The following PHRF1 variants were observed in gnomAD, a reference collection of about 807,000 sequenced individuals.
PHRF1 encodes the protein PHD and ring finger domains 1, also known as PHD and RING finger domain-containing protein 1.
Under a neutral mutation model 128.9 loss-of-function variants are expected in PHRF1, and 53 were observed. The ratio of observed to expected loss-of-function variants is 0.41; its 90% CI spans 0.33 to 0.52. PHRF1 has a LOEUF of 0.52. Ranked by LOEUF, PHRF1 falls within the 20% of genes least tolerant of loss-of-function variation. The pLI is 0.21. For missense variants in PHRF1, 2,503 were observed against 2,284.5 expected (o/e 1.10, Z -1.95); for synonymous variants, 1,178 against 980.6 (o/e 1.20, Z -3.76).
intron 1 of PHRF1, among the ~76,000 whole-genome samples, chr11:578,609 C>G (rs762030201): frequency 3.0e-4 from 45 of 152,200 alleles, no homozygotes; most frequent in Non-Finnish European, 5.4e-4. Context: ...AAGGGAGAGG[C>G]CAGGAGCTGT....
Position 592,609 on chromosome 11 carries a change from C to T in PHRF1, c.555C>T (p.Phe185=). 6.2e-7 allele frequency: 1 copy of T among 1,614,066 alleles called. No individual in the cohort carries two copies. ...GCGAGGAGGAGGAGGACCCGACCTTCTGTGAGGTGTGCGGCAGGAGCGACC... is the reference window on the plus strand; with the variant it reads ...GCGAGGAGGAGGAGGACCCGACCTTTTGTGAGGTGTGCGGCAGGAGCGACC... The part of the protein sequence containing the change: ...KASEEEEDPT[F]CEVCGRSDRE... The change falls in exon 6 of 18, where the codon TTC becomes TTT. Residue 185 remains phenylalanine, a synonymous_variant. Coordinates refer to ENST00000264555, the MANE Select transcript of PHRF1 (RefSeq NM_001286581.2).
chr11:601,801 G>A (rs1025715497), intron 10 of PHRF1, 100 bp downstream of exon 10: 2 of 1,460,672 alleles, frequency 1.4e-6, no homozygotes, highest in Non-Finnish European at 1.9e-6. Flanking sequence ...TGGCACCCTC[G>A]CGCGGTTATG....
At chr11:605,505 G>A in intron 11 of PHRF1, 100 bp from the exon 12 acceptor site, 1 of 1,539,308 alleles carries the variant, frequency 6.5e-7, no homozygotes, top group African/African-American at 1.4e-5. Context: ...GCCGCCACAT[G>A]GCCAGTGCTC....
At chr11:585,803 C>T (rs1854516914) in intron 3 of PHRF1, among the ~76,000 whole-genome samples, 9 of 151,610 alleles carry the variant, frequency 5.9e-5, no homozygotes, top group Admixed American at 5.9e-4. Flanking sequence ...GCCTCAGCCT[C>T]CCAAGTAGCT....
In PHRF1 at chr11:609,205, C is replaced by T. The variant is rs538431143; in HGVS notation, c.3749C>T (p.Ala1250Val). The T allele has an allele frequency of 2.6e-5, 42 of 1,608,852 alleles. No homozygotes were observed. Among genetic ancestry groups the T allele is most frequent in the African/African-American group, 1.5e-4 (11 of 75,066 alleles). ...LQAPPVLEVA[A>V]ECEPDDLDLD... is the part of the protein sequence containing the mutation. ...GCTCCCCCTGTCCTGGAGGTGGCAG[C>T]TGAGTGTGAGCCGGACGACCTGGAC... The change falls in exon 14 of 18, where the codon GCT becomes GTT. Residue 1250 changes from alanine to valine, a missense_variant. Physicochemically the swap from Ala to Val is moderately conservative, Grantham distance 64. Transcript: ENST00000264555.
chr11:583,373 C>T lies in PHRF1; in HGVS notation c.214+1292C>T, dbSNP rs539874361. On this transcript the variant is annotated intron_variant, in intron 3 of 17. Transcript: ENST00000264555. ...ACAAAAAAACCCCACCAAAATTAGCCGGGCGTGGTGGTGCGTGCCTGTAAT... is the reference window on the plus strand; with the variant it reads ...ACAAAAAAACCCCACCAAAATTAGCTGGGCGTGGTGGTGCGTGCCTGTAAT... Among the ~76,000 whole-genome samples the T allele has an allele frequency of 5.3e-5, 8 of 152,008 alleles. No individual in the cohort carries two copies. In the South Asian group the frequency reaches 1.7e-3, roughly 32 times the overall value.
At chr11:580,002 G>A (rs1200384479) in intron 1 of PHRF1, among the ~76,000 whole-genome samples, 3 of 152,220 alleles carry the variant, frequency 2.0e-5, no homozygotes, top group Admixed American at 1.3e-4. Context: ...CACAGTGGTG[G>A]TGGGAGCTGA....
rs1275356835 is a variant in PHRF1 at position 581,978 on chromosome 11, C to G, written c.111C>G (p.Gly37=). 4.4e-6 allele frequency: 7 copies of G among 1,603,468 alleles called. No individual in the cohort carries two copies. Among genetic ancestry groups the G allele is most frequent in the Non-Finnish European group, 1.7e-6 (2 of 1,175,326 alleles). The change falls in exon 3 of 18, where the codon GGC becomes GGG. Residue 37 remains glycine, a synonymous_variant. Transcript: ENST00000264555. The part of the protein sequence containing the change: ...PAGDFEESSV[G]SSGDSGDDSD... ...GGTGTCTAGAAGAAAGCAGCGTGGG[C>G]AGCAGTGGGGACTCTGGGGACGACA...
chr11:600,027 CT>C (rs1236073536), intron 9 of PHRF1, among the ~76,000 whole-genome samples: 2 of 151,988 alleles, frequency 1.3e-5, no homozygotes, highest in African/African-American at 4.8e-5. Flanking sequence ...TTGTTTTAAT[CT>C]TTATGTCACT....
chr11:608,384 G>A lies in PHRF1; in HGVS notation c.2928G>A (p.Val976=). The A allele has an allele frequency of 1.2e-6, 2 of 1,611,544 alleles. No individual in the cohort carries two copies. The highest frequency in any genetic ancestry group is 1.7e-6 in the Non-Finnish European group (2 of 1,179,510). Residue 976 remains valine (V), a synonymous_variant, in exon 14 of 18, where the codon GTG becomes GTA. Transcript: ENST00000264555. Reference sequence around the variant, plus strand: ...CGGAAGCCCCACCCAGCCCGGACGTGCTGCAGGCTGCCACCCACAGAGTCG... The same window carrying A: ...CGGAAGCCCCACCCAGCCCGGACGTACTGCAGGCTGCCACCCACAGAGTCG... ...VEPEAPPSPD[V]LQAATHRVVE...
chr11:584,813 C>T (rs1351613291), intron 3 of PHRF1, among the ~76,000 whole-genome samples: 3 of 147,690 alleles, frequency 2.0e-5, no homozygotes. Context: ...TCTCGGCTCA[C>T]TGCAGCCTCT....
In PHRF1 at chr11:581,559, C is replaced by T. The variant is rs766073376; in HGVS notation, c.47C>T (p.Pro16Leu). ...GAGCTTGTGGCCCGGAGCCCAGGGC[C>T]GGATGGACACCCACAGGTCGGCCCT... ...LDELVARSPG[P>L]DGHPQVGPAD... Residue 16 changes from proline to leucine, a missense_variant, in exon 2 of 18, where the codon CCG (proline) becomes CTG (leucine). Coordinates refer to ENST00000264555, the MANE Select transcript of PHRF1 (RefSeq NM_001286581.2). 8.1e-6 allele frequency: 13 copies of T among 1,613,372 alleles called. No homozygotes were observed. The highest frequency in any genetic ancestry group is 1.1e-5 in the South Asian group (1 of 91,078).
intron 10 of PHRF1, among the ~76,000 whole-genome samples, chr11:603,460 C>G (rs1398986073): frequency 6.6e-6 from 1 of 152,118 alleles, no homozygotes; most frequent in Non-Finnish European, 1.5e-5. Flanking sequence ...GTCAGCCTCT[C>G]AAGTAGCTGG....
chr11:609,803 G>A (rs1856247344), intron 14 of PHRF1, 83 bp downstream of exon 14: 1 of 955,424 alleles, frequency 1.0e-6, no homozygotes, highest in Admixed American at 3.2e-5. Context: ...AGCCCCCCGT[G>A]AGTAAGGCCC....
Position 612,096 on chromosome 11 carries a change from C to T in PHRF1, c.*319C>T, listed in dbSNP as rs1433336738. On this transcript the variant is annotated 3_prime_UTR_variant, in exon 18 of 18. Coordinates refer to ENST00000264555, the MANE Select transcript of PHRF1 (RefSeq NM_001286581.2). ...GACTTACTACTTGGAAGATAAAGCA[C>T]TTGGTGATCAAGAGGGGCTCCTGGT... 1 of 393,798 alleles carries T rather than the reference C, an allele frequency of 2.5e-6. No individual in the cohort carries two copies. Among genetic ancestry groups the T allele is most frequent in the African/African-American group, 2.0e-5 (1 of 48,952 alleles). The allele number at this position is 393,798 out of a possible 1,614,324, so 24.4% of individuals were successfully genotyped here.
At chr11:581,812 C>T (rs1193684835) in intron 2 of PHRF1, 150 bp from the exon 3 acceptor site, 2 of 1,226,578 alleles carry the variant, frequency 1.6e-6, no homozygotes, top group Non-Finnish European at 2.2e-6. Flanking sequence ...GTTCCCTTTC[C>T]TTGCTTGTGC....
intron 16 of PHRF1, 36 bp downstream of exon 16, chr11:610,797 CA>C: frequency 6.3e-7 from 1 of 1,591,502 alleles, no homozygotes; most frequent in Non-Finnish European, 8.5e-7. Flanking sequence ...CCCATGTTCC[CA>C]TCTTACTTTG....
chr11:587,383 C>T lies in PHRF1; in HGVS notation c.339C>T (p.Asn113=), dbSNP rs375066307. The change falls in exon 4 of 18, where the codon AAC becomes AAT. Residue 113 remains asparagine (N), a synonymous_variant. Coordinates refer to ENST00000264555, the MANE Select transcript of PHRF1 (RefSeq NM_001286581.2). ...CAGAGAGCTGCCCAATCTGTCTCAA[C>T]GCATTCAGAGACCAGGCCGTGGGGA... ...DDAESCPICL[N]AFRDQAVGTP... is the part of the protein sequence containing the mutation. The T allele has an allele frequency of 3.9e-5, 63 of 1,613,790 alleles. No homozygotes were observed. The highest frequency in any genetic ancestry group is 5.0e-5 in the Admixed American group (3 of 60,014).
In PHRF1 at chr11:610,759, G is replaced by A. The variant is rs549444156; in HGVS notation, c.4675G>A (p.Glu1559Lys). 1.1e-5 allele frequency: 17 copies of A among 1,600,798 alleles called. No individual in the cohort carries two copies. The African/African-American group carries it at 1.1e-4, about 10-fold the overall frequency. The change falls in exon 16 of 18, where the codon GAG becomes AAG. Residue 1559 changes from glutamate to lysine, a missense_variant and splice_region_variant. Physicochemically the swap from Glu to Lys is moderately conservative, Grantham distance 56. Coordinates refer to ENST00000264555, the MANE Select transcript of PHRF1 (RefSeq NM_001286581.2). ...AGCTGCGGAGAAAACCAAGAAGGAG[G>A]AGGTGAGTCCTGCCTCCTCCCACTT... ...RLAAEKTKKE[E>K]YMKKLHMQER...
Sources: gnomAD v4.1 joint callset for allele counts (sites outside exome capture counted in the v4.1 genomes callset) on GRCh38, gnomAD v4.1.1 for gene constraint, MANE v1.5 for transcripts, NCBI Gene and HGNC (gene_info 2026-07-23, HGNC 2026-07-21) for gene names.